DOCK3: variants seen among roughly 807,000 people sequenced by gnomAD.
DOCK3 encodes the protein dedicator of cytokinesis protein 3.
Under a neutral mutation model 265.6 loss-of-function variants are expected in DOCK3, and 60 were observed. That is an observed-to-expected ratio of 0.23 (90% CI 0.18 to 0.28). The LOEUF (loss-of-function observed/expected upper bound fraction) is 0.28, where lower values mean the gene tolerates loss of function less well. DOCK3 is among the 10% of genes least tolerant of loss of function. DOCK3 has a pLI of 1.00. For missense variants in DOCK3, 1,981 were observed against 2,594.3 expected (o/e 0.76, Z 5.14); for synonymous variants, 881 against 938.0 (o/e 0.94, Z 1.11).
At chr3:51,142,097 C>A (rs972727289) in intron 9 of DOCK3, among the ~76,000 whole-genome samples, 1 of 151,998 alleles carries the variant, frequency 6.6e-6, no homozygotes, top group African/African-American at 2.4e-5. Context: ...TTCACTCTTT[C>A]CTGGATTCTA....
intron 12 of DOCK3, among the ~76,000 whole-genome samples, chr3:51,197,368 C>T (rs1320770643): frequency 6.6e-6 from 1 of 152,164 alleles, no homozygotes; most frequent in African/African-American, 2.4e-5. Flanking sequence ...TCTCAGGTTC[C>T]TGAGCAGCTA....
intron 1 of DOCK3, among the ~76,000 whole-genome samples, chr3:50,748,215 C>T (rs1430371466): frequency 1.3e-5 from 2 of 152,136 alleles, no homozygotes; most frequent in East Asian, 3.9e-4. Flanking sequence ...CTATGTTGCC[C>T]AGGCTGATCT....
At chr3:51,119,284 A>G (rs757358399) in intron 9 of DOCK3, among the ~76,000 whole-genome samples, 4 of 152,126 alleles carry the variant, frequency 2.6e-5, no homozygotes, top group Non-Finnish European at 5.9e-5. Flanking sequence ...AGAATGTTGA[A>G]TATTGGCCCC....
intron 9 of DOCK3, among the ~76,000 whole-genome samples, chr3:51,112,893 ACT>A (rs1396864384): frequency 2.0e-5 from 3 of 152,220 alleles, no homozygotes; most frequent in South Asian, 2.1e-4. Flanking sequence ...GAGCTCAAGG[ACT>A]CTGTTGGATT....
In DOCK3 at chr3:50,889,420, C is replaced by T. The variant is rs1181660242; in HGVS notation, c.163-606C>T. Among the ~76,000 whole-genome samples, 5 of 150,572 alleles carry T rather than the reference C, an allele frequency of 3.3e-5. No homozygotes were observed. In the East Asian group the frequency reaches 9.7e-4, roughly 29 times the overall value. On this transcript the variant is annotated intron_variant, in intron 3 of 52. Transcript: ENST00000266037. ...TTTATTTAAAGAGCATTTTATACAT[C>T]AGGAGATGGGGGCGAAACATTGATT...
At chr3:50,737,365 A>G (rs1485677165) in intron 1 of DOCK3, among the ~76,000 whole-genome samples, 1 of 152,160 alleles carries the variant, frequency 6.6e-6, no homozygotes, top group Non-Finnish European at 1.5e-5. Context: ...AGTTTTAAAC[A>G]ACCAGATCTC....
At chr3:51,081,984 C>G (rs182372955) in intron 7 of DOCK3, among the ~76,000 whole-genome samples, 1 of 151,652 alleles carries the variant, frequency 6.6e-6, no homozygotes, top group East Asian at 1.9e-4. Context: ...TTGCCTTCTA[C>G]TCAGTGAGTA....
At chr3:50,858,963 A>G (rs2046763579) in intron 3 of DOCK3, among the ~76,000 whole-genome samples, 1 of 152,068 alleles carries the variant, frequency 6.6e-6, no homozygotes, top group Non-Finnish European at 1.5e-5. Flanking sequence ...TTGTGATTAC[A>G]CTGTGAAATT....
At chr3:51,107,529 G>T (rs1576101257) in intron 9 of DOCK3, among the ~76,000 whole-genome samples, 1 of 152,174 alleles carries the variant, frequency 6.6e-6, no homozygotes, top group African/African-American at 2.4e-5. Context: ...CAATCTGATA[G>T]AGCTGAAAAA....
intron 5 of DOCK3, among the ~76,000 whole-genome samples, chr3:50,983,641 G>A (rs1214194974): frequency 6.6e-6 from 1 of 152,144 alleles, no homozygotes; most frequent in East Asian, 1.9e-4. Context: ...CCCACTGTGA[G>A]TCTCCTCTGA....
intron 1 of DOCK3, among the ~76,000 whole-genome samples, chr3:50,679,837 G>C (rs554054242): frequency 3.3e-5 from 5 of 152,268 alleles, no homozygotes; most frequent in African/African-American, 1.2e-4. Flanking sequence ...ATTTTGTTCT[G>C]AAAAGTGAGG....
chr3:51,065,563 A>C (rs1175850532), intron 6 of DOCK3, among the ~76,000 whole-genome samples: 1 of 152,204 alleles, frequency 6.6e-6, no homozygotes, highest in Non-Finnish European at 1.5e-5. Context: ...AAGAGTGTCT[A>C]AGGAACAGTC....
chr3:50,732,966 T>C (rs2038314761), intron 1 of DOCK3, among the ~76,000 whole-genome samples: 1 of 152,288 alleles, frequency 6.6e-6, no homozygotes, highest in South Asian at 2.1e-4. Flanking sequence ...CATTTATTTA[T>C]TAATTTATTT....
intron 9 of DOCK3, among the ~76,000 whole-genome samples, chr3:51,132,544 T>C (rs947893284): frequency 2.0e-5 from 3 of 152,148 alleles, no homozygotes; most frequent in African/African-American, 7.2e-5. Flanking sequence ...CATATCTGCT[T>C]CTGAAGCTGG....
At chr3:51,066,452 A>G (rs1167171025) in intron 6 of DOCK3, among the ~76,000 whole-genome samples, 2 of 152,220 alleles carry the variant, frequency 1.3e-5, no homozygotes, top group African/African-American at 4.8e-5. Context: ...TACTGTCCTC[A>G]AAAGTGTTAT....
chr3:50,921,902 A>G (rs772094230), intron 4 of DOCK3, among the ~76,000 whole-genome samples: 2 of 151,954 alleles, frequency 1.3e-5, no homozygotes, highest in African/African-American at 4.8e-5. Flanking sequence ...TTGCTGCCCA[A>G]TCCTTCCTCT....
At chr3:51,270,696 G>A (rs560234447) in intron 23 of DOCK3, 119 bp from the exon 24 acceptor site, 361 of 1,064,854 alleles carry the variant, frequency 3.4e-4, no homozygotes, top group Non-Finnish European at 4.5e-4. Context: ...GGAGCCCACC[G>A]AAGGCAGAGA....
chr3:51,087,153 A>G (rs953622467), intron 7 of DOCK3, among the ~76,000 whole-genome samples: 4 of 152,226 alleles, frequency 2.6e-5, no homozygotes, highest in Non-Finnish European at 5.9e-5. Flanking sequence ...TTACACTGAT[A>G]GTAAGTCAGA....
At chr3:50,803,027 C>CTT (rs148585810) in intron 2 of DOCK3, among the ~76,000 whole-genome samples, 122,358 of 147,098 alleles carry the variant, frequency 0.83, 51,341 homozygotes, top group East Asian at 0.94. Context: ...TACAGAAATT[C>CTT]TTTTTTTTTT....
Sources: gnomAD v4.1 joint callset for allele counts (sites outside exome capture counted in the v4.1 genomes callset) on GRCh38, gnomAD v4.1.1 for gene constraint, MANE v1.5 for transcripts, NCBI Gene and HGNC (gene_info 2026-07-23, HGNC 2026-07-21) for gene names.